TMEM108: variants seen among roughly 807,000 people sequenced by gnomAD.
TMEM108 encodes the protein transmembrane protein 108, also known as cancer/testis antigen 124.
A neutral mutation model predicts 35.1 loss-of-function variants in TMEM108; 12 were observed. The observed-to-expected ratio is 0.34, with a 90% CI of 0.22 to 0.55. The LOEUF (loss-of-function observed/expected upper bound fraction) is 0.55. Among genes scored for constraint, TMEM108 ranks in the 20% least tolerant of loss-of-function variants. The probability of loss-of-function intolerance (pLI) is 0.89; values close to 1 mark genes in which losing one functional copy is unlikely to be tolerated. For synonymous variants in TMEM108, 287 were observed against 308.6 expected (o/e 0.93, Z 0.73); for missense variants, 680 against 753.3 (o/e 0.90, Z 1.14).
At chr3:133,154,656 A>C (rs1449096850) in intron 2 of TMEM108, among the ~76,000 whole-genome samples, 1 of 152,122 alleles carries the variant, frequency 6.6e-6, no homozygotes, top group African/African-American at 2.4e-5. Context: ...GTGGGAATTG[A>C]ACAATGAGAA....
At chr3:133,234,939 G>A (rs1444315642) in intron 3 of TMEM108, among the ~76,000 whole-genome samples, 1 of 152,096 alleles carries the variant, frequency 6.6e-6, no homozygotes, top group Non-Finnish European at 1.5e-5. Flanking sequence ...AAAATCACAA[G>A]CATTCCTATA....
intron 3 of TMEM108, 69 bp from the exon 4 acceptor site, chr3:133,379,683 G>C (rs2072943224): frequency 6.7e-7 from 1 of 1,502,086 alleles, no homozygotes; most frequent in Non-Finnish European, 9.1e-7. Context: ...CTAGGCCACA[G>C]GTAAGAAAGG....
At chr3:133,331,482 T>C (rs1164591851) in intron 3 of TMEM108, among the ~76,000 whole-genome samples, 1 of 152,178 alleles carries the variant, frequency 6.6e-6, no homozygotes, top group Non-Finnish European at 1.5e-5. Context: ...GACAAATGAC[T>C]GTATTTCCTA....
At chr3:133,129,999 A>G (rs1475126603) in intron 2 of TMEM108, among the ~76,000 whole-genome samples, 2 of 564 alleles carry the variant, frequency 3.5e-3, no homozygotes, top group East Asian at 0.1. Context: ...AAAATATTAA[A>G]GGACTTTTTT....
In TMEM108 at chr3:133,069,501, T is replaced by C. The variant is rs1433930914; in HGVS notation, c.-47+23481T>C. On this transcript the variant is annotated intron_variant, in intron 2 of 5. Transcript: ENST00000321871. ...ATCTGGGGGACTTATTCAAATTAAC[T>C]AGTATAAAGTCATATCTTTTAAGGT... is the stretch of plus-strand genomic sequence containing the variant. Among the ~76,000 whole-genome samples, 8 of 152,288 alleles carry C rather than the reference T, an allele frequency of 5.3e-5. No individual in the cohort carries two copies. In the East Asian group the frequency reaches 1.5e-3, roughly 29 times the overall value.
At chr3:133,390,105 C>T (rs2074698423) in intron 4 of TMEM108, 75 bp from the exon 5 acceptor site, 3 of 1,576,140 alleles carry the variant, frequency 1.9e-6, no homozygotes, top group East Asian at 2.2e-5. Context: ...GAACTCTCCT[C>T]ATCAGTTCGG....
chr3:133,313,448 G>A lies in TMEM108; in HGVS notation c.41-66304G>A, dbSNP rs532874645. ...GATCCACCTGCCTTGGCCTCCCAAA[G>A]TGCTGGGATTACAGGCGTGAGCCAC... is the stretch of plus-strand genomic sequence containing the variant. On this transcript the variant is annotated intron_variant, in intron 3 of 5. Coordinates refer to ENST00000321871, the MANE Select transcript of TMEM108 (RefSeq NM_023943.4). 2.0e-5 allele frequency among the ~76,000 whole-genome samples: 3 copies of A among 152,242 alleles called. No individual in the cohort carries two copies. In the East Asian group the frequency reaches 5.8e-4, roughly 29 times the overall value.
intron 3 of TMEM108, among the ~76,000 whole-genome samples, chr3:133,237,872 C>T (rs970653973): frequency 1.3e-5 from 2 of 152,130 alleles, no homozygotes; most frequent in African/African-American, 4.8e-5. Context: ...TTTTGTTTTA[C>T]AGCTTTAACT....
chr3:133,240,573 T>A lies in TMEM108; in HGVS notation c.40+11222T>A, dbSNP rs546877606. Among the ~76,000 whole-genome samples, 273 of 152,336 alleles carry A rather than the reference T, an allele frequency of 1.8e-3. 1 individual carries two copies. Among genetic ancestry groups the A allele is most frequent in the African/African-American group, 6.4e-3 (268 of 41,582 alleles). ...AGGAGAGCTGTTGATTTATGTAAAT[T>A]CAAATGTTAACCCTTAATGAGTAAA... On this transcript the variant is annotated intron_variant, in intron 3 of 5. Transcript: ENST00000321871.
intron 2 of TMEM108, among the ~76,000 whole-genome samples, chr3:133,141,167 C>T (rs1032902507): frequency 1.3e-5 from 2 of 152,118 alleles, no homozygotes; most frequent in Non-Finnish European, 2.9e-5. Flanking sequence ...TTCTTTTGGG[C>T]ACAGATCTCT....
chr3:133,202,537 T>A (rs1310902344), intron 2 of TMEM108, among the ~76,000 whole-genome samples: 1 of 152,236 alleles, frequency 6.6e-6, no homozygotes, highest in Non-Finnish European at 1.5e-5. Flanking sequence ...CAACACCATT[T>A]ATTAAATAGG....
At chr3:133,221,100 C>G (rs6791640) in intron 2 of TMEM108, among the ~76,000 whole-genome samples, 1,939 of 152,256 alleles carry the variant, frequency 0.013, 53 homozygotes, top group African/African-American at 0.044. Context: ...AGTAAGCTCT[C>G]TAAACCCTGT....
At chr3:133,393,354 T>G (rs2073260547) in intron 5 of TMEM108, among the ~76,000 whole-genome samples, 1 of 152,244 alleles carries the variant, frequency 6.6e-6, no homozygotes, top group Admixed American at 6.5e-5. Context: ...TGTCTCTCTG[T>G]TGATTGGTTT....
At chr3:133,240,945 A>G (rs1303882653) in intron 3 of TMEM108, among the ~76,000 whole-genome samples, 1 of 152,218 alleles carries the variant, frequency 6.6e-6, no homozygotes, top group Non-Finnish European at 1.5e-5. Flanking sequence ...AAAAAAAAGA[A>G]AAAGAAATGT....
intron 2 of TMEM108, among the ~76,000 whole-genome samples, chr3:133,174,209 C>G (rs1050389202): frequency 6.6e-6 from 1 of 152,244 alleles, no homozygotes. Context: ...CCCACCTCAG[C>G]TCAAGGAGGC....
chr3:133,394,518 ACT>A (rs549935415), intron 5 of TMEM108, among the ~76,000 whole-genome samples: 3 of 151,004 alleles, frequency 2.0e-5, no homozygotes, highest in Non-Finnish European at 4.4e-5. Context: ...TTCCTGAATA[ACT>A]CTCTCTTTAA....
intron 2 of TMEM108, among the ~76,000 whole-genome samples, chr3:133,174,324 G>A (rs941170148): frequency 6.6e-6 from 1 of 152,210 alleles, no homozygotes; most frequent in Non-Finnish European, 1.5e-5. Context: ...GCTTTGAAGA[G>A]AGTAGAGGTT....
intron 2 of TMEM108, among the ~76,000 whole-genome samples, chr3:133,194,233 C>G (rs1945544206): frequency 6.6e-6 from 1 of 152,180 alleles, no homozygotes; most frequent in Non-Finnish European, 1.5e-5. Flanking sequence ...CCATGCCCAG[C>G]TGAACATTAA....
intron 3 of TMEM108, among the ~76,000 whole-genome samples, chr3:133,371,493 G>A (rs141530380): frequency 1.1e-4 from 17 of 151,872 alleles, no homozygotes; most frequent in East Asian, 3.9e-4. Flanking sequence ...AGACTTCCTC[G>A]CAGCATGGCA....
Sources: allele counts gnomAD v4.1 joint callset (sites outside exome capture counted in the v4.1 genomes callset), GRCh38; gene constraint gnomAD v4.1.1; transcripts MANE v1.5; gene names NCBI Gene and HGNC (gene_info 2026-07-23, HGNC 2026-07-21).